GRIN3B: variants seen among roughly 807,000 people sequenced by gnomAD.
GRIN3B encodes glutamate ionotropic receptor NMDA type subunit 3B, also known as glutamate receptor ionotropic, NMDA 3B.
In GRIN3B, 77 loss-of-function variants were observed where a neutral mutation model predicts 66.0. The observed-to-expected ratio is 1.17, with a 90% CI of 0.97 to 1.41. The LOEUF (loss-of-function observed/expected upper bound fraction) is 1.41, where lower values mean the gene tolerates loss of function less well. Among genes scored for constraint, GRIN3B ranks in the 40% most tolerant of loss-of-function variants. The pLI is 0.00. For missense variants in GRIN3B, 1,787 were observed against 1,564.5 expected (o/e 1.14, Z -2.40); for synonymous variants, 823 against 749.7 (o/e 1.10, Z -1.60).
At chr19:1,001,733 G>A (rs574710848) in intron 1 of GRIN3B, among the ~76,000 whole-genome samples, 1 of 152,124 alleles carries the variant, frequency 6.6e-6, no homozygotes, top group South Asian at 2.1e-4. Context: ...GCTAGAGGGG[G>A]GGTCTCTTAG....
rs748625717 is a variant in GRIN3B, at chr19:1,003,691, G to A, written c.988G>A (p.Gly330Arg). 9.2e-6 allele frequency: 13 copies of A among 1,406,646 alleles called. No homozygotes were observed. The highest frequency in any genetic ancestry group is 3.3e-5 in the Admixed American group (1 of 30,350). 87.1% of individuals were successfully genotyped at this position (1,406,646 alleles called of 1,614,324 possible). The change falls in exon 2 of 9, where the codon GGG (glycine) becomes AGG (arginine). Residue 330 changes from glycine to arginine, a missense_variant. Transcript: ENST00000234389. ...PVNCGDLQPAGPESPGRFLAR... is the reference protein window; with the variant it reads ...PVNCGDLQPARPESPGRFLAR... The stretch of plus-strand genomic sequence containing the variant: ...CAACTGCGGGGACCTGCAGCCGGCC[G>A]GGCCCGAGTCCCCGGGGCGCTTCTT...
chr19:1,000,816 G>A lies in GRIN3B; in HGVS notation c.379G>A (p.Val127Met), dbSNP rs1285868871. The A allele has an allele frequency of 9.0e-6, 13 of 1,449,618 alleles. No individual in the cohort carries two copies. Among genetic ancestry groups the A allele is most frequent in the Admixed American group, 5.4e-5 (2 of 36,708 alleles). 89.8% of individuals were successfully genotyped at this position (1,449,618 alleles called of 1,614,324 possible). A position where few individuals can be genotyped will look rare whatever the true frequency, so the allele number is the denominator to read the frequency against. ...HFLAAATETPVLSLLRREARA... is the reference protein window; with the variant it reads ...HFLAAATETPMLSLLRREARA... Reference sequence around the variant, plus strand: ...CCTGGCGGCGGCCACCGAGACCCCCGTGCTCAGCCTGCTGCGGCGGGAGGC... The same window carrying A: ...CCTGGCGGCGGCCACCGAGACCCCCATGCTCAGCCTGCTGCGGCGGGAGGC... The change falls in exon 1 of 9, where the codon GTG (valine) becomes ATG (methionine). Residue 127 changes from valine (V) to methionine (M), a missense_variant. Val to Met is a conservative substitution (Grantham distance 21). Transcript: ENST00000234389.
rs1039717256 is a variant in GRIN3B, at chr19:1,009,403, C to T, written c.2933C>T (p.Pro978Leu). Residue 978 changes from proline to leucine, a missense_variant, in exon 9 of 9, where the codon CCC becomes CTC. Physicochemically the swap from Pro to Leu is moderately conservative, Grantham distance 98 (BLOSUM62 -3). Transcript: ENST00000234389. ...CCCGCCGCAAGGCCCACGGGGGCCC[C>T]CCAGCCCGGGGAGCTGCAGGAGCTG... ...RPPAARPTGA[P>L]QPGELQELER... 9 of 1,425,590 alleles carry T rather than the reference C, an allele frequency of 6.3e-6. No individual in the cohort carries two copies. The African/African-American group carries it at 1.4e-4, about 21-fold the overall frequency. 88.3% of individuals were successfully genotyped at this position (1,425,590 alleles called of 1,614,324 possible). A position where few individuals can be genotyped will look rare whatever the true frequency, so the allele number is the denominator to read the frequency against.
chr19:1,000,723 G>C lies in GRIN3B; in HGVS notation c.286G>C (p.Val96Leu), dbSNP rs2038675655. 1 of 1,427,438 alleles carries C rather than the reference G, an allele frequency of 7.0e-7. No homozygotes were observed. Among genetic ancestry groups the C allele is most frequent in the Non-Finnish European group, 9.1e-7 (1 of 1,093,232 alleles). 88.4% of individuals were successfully genotyped at this position (1,427,438 alleles called of 1,614,324 possible). The part of the protein sequence containing the change: ...SLTRGLCQAL[V>L]PPGVAALLAF... ...GACCCGCGGCCTGTGCCAGGCGCTG[G>C]TGCCTCCGGGCGTGGCGGCCCTGCT... The change falls in exon 1 of 9, where the codon GTG becomes CTG. Residue 96 changes from valine to leucine, a missense_variant. Transcript: ENST00000234389.
At chr19:1,003,003 G>C in intron 1 of GRIN3B, 127 bp from the exon 2 acceptor site, 1 of 593,792 alleles carries the variant, frequency 1.7e-6, no homozygotes, top group Non-Finnish European at 2.9e-6. Context: ...GGCTGGGGCT[G>C]GGGGGAGGTG....
intron 1 of GRIN3B, among the ~76,000 whole-genome samples, chr19:1,001,378 G>A (rs1320301485): frequency 6.6e-6 from 1 of 151,864 alleles, no homozygotes; most frequent in African/African-American, 2.4e-5. Flanking sequence ...CCTCCCAGAG[G>A]CCTCCAAGAT....
intron 3 of GRIN3B, among the ~76,000 whole-genome samples, chr19:1,006,372 CCT>C (rs1353807295): frequency 1.3e-5 from 2 of 151,286 alleles, no homozygotes; most frequent in Non-Finnish European, 2.9e-5. Context: ...GTCTCGAACC[CCT>C]GACCTCGTGA....
intron 5 of GRIN3B, 59 bp downstream of exon 5, chr19:1,008,030 T>C (rs2038776877): frequency 6.3e-7 from 1 of 1,588,470 alleles, no homozygotes; most frequent in Non-Finnish European, 8.6e-7. Context: ...CTGGGGGCAG[T>C]GGGGAGCCAC....
Position 1,000,718 on chromosome 19 carries a change from C to A in GRIN3B, c.281C>A (p.Ala94Glu), listed in dbSNP as rs139242998. Reference protein sequence around the residue: ...PASLTRGLCQALVPPGVAALL... With the variant: ...PASLTRGLCQELVPPGVAALL... Reference sequence around the variant, plus strand: ...TCGCTGACCCGCGGCCTGTGCCAGGCGCTGGTGCCTCCGGGCGTGGCGGCC... The same window carrying A: ...TCGCTGACCCGCGGCCTGTGCCAGGAGCTGGTGCCTCCGGGCGTGGCGGCC... The change falls in exon 1 of 9, where the codon GCG (alanine) becomes GAG (glutamate). Residue 94 changes from alanine to glutamate, a missense_variant. Coordinates refer to ENST00000234389, the MANE Select transcript of GRIN3B (RefSeq NM_138690.3). 22,386 of 1,425,718 alleles carry A rather than the reference C, an allele frequency of 0.016. 893 individuals carry two copies. Among genetic ancestry groups the A allele is most frequent in the East Asian group, 0.13 (4,284 of 32,322 alleles). The allele number at this position is 1,425,718 out of a possible 1,614,324, so 88.3% of individuals were successfully genotyped here.
At position 1,008,657 on chromosome 19, in the gene GRIN3B, G is replaced by C. The variant is rs748291838; in HGVS notation, c.2506G>C (p.Val836Leu). The C allele has an allele frequency of 6.2e-6, 10 of 1,603,626 alleles. No homozygotes were observed. Among genetic ancestry groups the C allele is most frequent in the Non-Finnish European group, 8.5e-6 (10 of 1,179,716 alleles). ...CATCTACCACTTCGCGGGCCTCTTC[G>C]TGTTGCTGTGCCTGGGCCTGGGCAG... The part of the protein sequence containing the change: ...MSIYHFAGLF[V>L]LLCLGLGSAL... The change falls in exon 7 of 9, where the codon GTG becomes CTG. Residue 836 changes from valine (V) to leucine (L), a missense_variant. By Grantham distance (32) the Val-to-Leu change is conservative. Coordinates refer to ENST00000234389, the MANE Select transcript of GRIN3B (RefSeq NM_138690.3).
chr19:1,004,742 G>A lies in GRIN3B; in HGVS notation c.1241G>A (p.Trp414Ter), dbSNP rs200418870. The change falls in exon 3 of 9, where the codon TGG becomes TAG. Residue 414 changes from tryptophan to a stop codon, truncating the protein, a stop_gained. Coordinates refer to ENST00000234389, the MANE Select transcript of GRIN3B (RefSeq NM_138690.3). LOFTEE classifies it high-confidence loss of function. ...CCGCCCCCACAGGGTGCCCAGGTCT[G>A]GCCCAAGCTGCGTGTGGTAACGCTG... is the stretch of plus-strand genomic sequence containing the variant. Reference protein sequence around the residue: ...RPPPPQGAQVWPKLRVVTLLE... With the variant: ...RPPPPQGAQV The A allele has an allele frequency of 3.2e-5, 51 of 1,610,000 alleles. No homozygotes were observed. Among genetic ancestry groups the A allele is most frequent in the South Asian group, 3.1e-4 (28 of 90,918 alleles).
In GRIN3B at chr19:1,004,815, G is replaced by A. The variant is rs1165837494; in HGVS notation, c.1314G>A (p.Gln438=). ...CCCGTGATCCAGACGAAGACGGGCA[G>A]TGCCCAGCGGGGCAGCTGTGCCTGG... ...VFARDPDEDG[Q]CPAGQLCLDP... The change falls in exon 3 of 9, where the codon CAG becomes CAA. Residue 438 remains glutamine (Q), a synonymous_variant. Transcript: ENST00000234389. The A allele has an allele frequency of 2.5e-6, 4 of 1,612,650 alleles. No homozygotes were observed. Among genetic ancestry groups the A allele is most frequent in the Middle Eastern group, 1.6e-4 (1 of 6,084 alleles).
intron 3 of GRIN3B, among the ~76,000 whole-genome samples, chr19:1,006,130 G>A (rs372060604): frequency 9.9e-5 from 15 of 151,980 alleles, no homozygotes; most frequent in African/African-American, 3.6e-4. Context: ...GATTACAGGC[G>A]TGAGCCACCG....
chr19:1,000,553 T>G lies in GRIN3B; in HGVS notation c.116T>G (p.Leu39Arg). ...GCGCGCCTCGGGGGCTCCGTGCGCCTGGGCGCCCTCCTGCCCCGCGCGCCT... is the reference window on the plus strand; with the variant it reads ...GCGCGCCTCGGGGGCTCCGTGCGCCGGGGCGCCCTCCTGCCCCGCGCGCCT... ...VLARLGGSVR[L>R]GALLPRAPLA... Residue 39 changes from leucine to arginine, a missense_variant, in exon 1 of 9, where the codon CTG becomes CGG. Transcript: ENST00000234389. 5.4e-6 allele frequency: 6 copies of G among 1,121,426 alleles called. No homozygotes were observed. Among genetic ancestry groups the G allele is most frequent in the Non-Finnish European group, 6.5e-6 (6 of 918,094 alleles). 69.5% of individuals were successfully genotyped at this position (1,121,426 alleles called of 1,614,324 possible). A position where few individuals can be genotyped will look rare whatever the true frequency, so the allele number is the denominator to read the frequency against.
In GRIN3B at chr19:1,004,776, C is replaced by T. The variant is rs1230378757; in HGVS notation, c.1275C>T (p.His425=). 3 of 1,612,730 alleles carry T rather than the reference C, an allele frequency of 1.9e-6. No individual in the cohort carries two copies. Among genetic ancestry groups the T allele is most frequent in the South Asian group, 1.1e-5 (1 of 91,062 alleles). The change falls in exon 3 of 9, where the codon CAC becomes CAT. Residue 425 remains histidine, a synonymous_variant. Coordinates refer to ENST00000234389, the MANE Select transcript of GRIN3B (RefSeq NM_138690.3). ...PKLRVVTLLE[H]PFVFARDPDE... is the part of the protein sequence containing the mutation. The stretch of plus-strand genomic sequence containing the variant: ...TGCGTGTGGTAACGCTGTTGGAACA[C>T]CCATTTGTGTTTGCCCGTGATCCAG...
At position 1,000,696 on chromosome 19, in the gene GRIN3B, C is replaced by G. The variant is rs939495536; in HGVS notation, c.259C>G (p.Leu87Val). The G allele has an allele frequency of 8.1e-5, 112 of 1,380,818 alleles. No individual in the cohort carries two copies. The highest frequency in any genetic ancestry group is 1.0e-4 in the Non-Finnish European group (106 of 1,065,294). The allele number at this position is 1,380,818 out of a possible 1,614,324, so 85.5% of individuals were successfully genotyped here. The change falls in exon 1 of 9, where the codon CTG becomes GTG. Residue 87 changes from leucine to valine, a missense_variant. Physicochemically the swap from Leu to Val is conservative, Grantham distance 32. Transcript: ENST00000234389. Reference protein sequence around the residue: ...AAPPARDPASLTRGLCQALVP... With the variant: ...AAPPARDPASVTRGLCQALVP... Reference sequence around the variant, plus strand: ...GCCCCCCGCCCGCGACCCCGCCTCGCTGACCCGCGGCCTGTGCCAGGCGCT... The same window carrying G: ...GCCCCCCGCCCGCGACCCCGCCTCGGTGACCCGCGGCCTGTGCCAGGCGCT...
At chr19:1,002,244 G>C (rs1263149135) in intron 1 of GRIN3B, 1 of 151,894 alleles carries the variant, frequency 6.6e-6, no homozygotes, top group Non-Finnish European at 1.5e-5. Context: ...TATTGGCTGG[G>C]CACTGTGGCT....
Position 1,008,132 on chromosome 19 carries a change from GC to G in GRIN3B, c.2315-3del. On this transcript the variant is annotated splice_region_variant and splice_polypyrimidine_tract_variant and intron_variant, in intron 5 of 8. Transcript: ENST00000234389. ...ACCTGGCCCCACCGCCTGGCCCCGC[GC>G]CCCCAGGCTATGGGATCGGACTGCC... 1 of 1,585,980 alleles carries G rather than the reference GC, an allele frequency of 6.3e-7. No individual in the cohort carries two copies. The highest frequency in any genetic ancestry group is 8.6e-7 in the Non-Finnish European group (1 of 1,166,350).
intron 6 of GRIN3B, 56 bp from the exon 7 acceptor site, chr19:1,008,562 T>G (rs2038789193): frequency 1.3e-6 from 2 of 1,556,410 alleles, no homozygotes; most frequent in Non-Finnish European, 1.7e-6. Flanking sequence ...AGTTCAAGGC[T>G]CCCCAGGGGC....
Sources: allele counts gnomAD v4.1 joint callset (sites outside exome capture counted in the v4.1 genomes callset), GRCh38; gene constraint gnomAD v4.1.1; transcripts MANE v1.5; gene names NCBI Gene and HGNC (gene_info 2026-07-23, HGNC 2026-07-21).